Variants in NRXN1 observed in about 807,000 individuals in gnomAD.
NRXN1 encodes neurexin 1, also known as neurexin-1.
In NRXN1, 39 loss-of-function variants were observed where a neutral mutation model predicts 150.9. The ratio of observed to expected loss-of-function variants is 0.26; its 90% CI spans 0.20 to 0.34. NRXN1 has a LOEUF of 0.34. NRXN1 is among the 10% of genes least tolerant of loss of function. The pLI is 1.00. For missense variants in NRXN1, 1,815 were observed against 1,949.9 expected (o/e 0.93, Z 1.30); for synonymous variants, 924 against 757.0 (o/e 1.22, Z -3.62).
At chr2:50,536,805 T>C (rs1002960232) in intron 10 of NRXN1, among the ~76,000 whole-genome samples, 4 of 152,060 alleles carry the variant, frequency 2.6e-5, no homozygotes, top group Middle Eastern at 3.2e-3. Context: ...GGAAGCAAAA[T>C]GCAAAGAGGA....
intron 5 of NRXN1, among the ~76,000 whole-genome samples, chr2:50,695,192 G>C (rs1284961090): frequency 1.3e-5 from 2 of 151,986 alleles, no homozygotes; most frequent in Non-Finnish European, 2.9e-5. Flanking sequence ...GTAAGGGGGT[G>C]GCGGTGGGGG....
At chr2:50,809,937 T>C (rs948470955) in intron 5 of NRXN1, among the ~76,000 whole-genome samples, 7 of 152,166 alleles carry the variant, frequency 4.6e-5, no homozygotes, top group Non-Finnish European at 7.3e-5. Context: ...TACCATTGTG[T>C]TTATTCACTC....
At chr2:49,947,370 C>A (rs1204950744) in intron 21 of NRXN1, among the ~76,000 whole-genome samples, 1 of 151,964 alleles carries the variant, frequency 6.6e-6, no homozygotes, top group Non-Finnish European at 1.5e-5. Context: ...CACCTGGAGG[C>A]ACGTTTGGTA....
At chr2:50,640,777 T>G (rs1362352810) in intron 5 of NRXN1, among the ~76,000 whole-genome samples, 1 of 152,196 alleles carries the variant, frequency 6.6e-6, no homozygotes, top group Non-Finnish European at 1.5e-5. Flanking sequence ...ATTCAGTTGT[T>G]TTCAATTTTT....
At chr2:50,053,687 G>C (rs1455783001) in intron 20 of NRXN1, 97 bp from the exon 21 acceptor site, 3 of 1,252,730 alleles carry the variant, frequency 2.4e-6, no homozygotes, top group Non-Finnish European at 3.4e-6. Context: ...TGAATAATGA[G>C]AGCAATAAAC....
In NRXN1 at chr2:50,554,454, C is replaced by T. The variant is rs1430154885; in HGVS notation, c.1321-1429G>A. On this transcript the variant is annotated intron_variant, in intron 8 of 22. Transcript: ENST00000401669. ...GTTCAAATTCTGGCTCCAGCATTAC[C>T]GAACTGGGAAATCTCTGTAAGCCTG... is the stretch of plus-strand genomic sequence containing the variant. 5.3e-5 allele frequency: 8 copies of T among 152,046 alleles called. No homozygotes were observed. The East Asian group carries it at 7.7e-4, about 15-fold the overall frequency. The allele number at this position is 152,046 out of a possible 1,614,324, so 9.4% of individuals were successfully genotyped here. A position where few individuals can be genotyped will look rare whatever the true frequency, so the allele number is the denominator to read the frequency against.
intron 22 of NRXN1, among the ~76,000 whole-genome samples, chr2:49,937,901 G>A (rs1671329685): frequency 6.6e-6 from 1 of 152,122 alleles, no homozygotes; most frequent in South Asian, 2.1e-4. Flanking sequence ...TGATTGTGAT[G>A]ACTTATTTAA....
chr2:50,246,114 T>A (rs1169997636), intron 17 of NRXN1, among the ~76,000 whole-genome samples: 1 of 152,060 alleles, frequency 6.6e-6, no homozygotes, highest in African/African-American at 2.4e-5. Context: ...CTGACATTTT[T>A]AGAGTCTATC....
chr2:50,402,581 G>C (rs1244786392), intron 17 of NRXN1, among the ~76,000 whole-genome samples: 1 of 152,084 alleles, frequency 6.6e-6, no homozygotes, highest in African/African-American at 2.4e-5. Context: ...AGCTTTCGGA[G>C]AGCAAGTCAA....
chr2:50,677,504 C>T (rs975297087), intron 5 of NRXN1, among the ~76,000 whole-genome samples: 2 of 152,118 alleles, frequency 1.3e-5, no homozygotes, highest in African/African-American at 4.8e-5. Flanking sequence ...AAAAAGCCTA[C>T]CATTTTGACT....
intron 17 of NRXN1, among the ~76,000 whole-genome samples, chr2:50,307,026 C>T (rs1201735789): frequency 6.6e-6 from 1 of 151,848 alleles, no homozygotes; most frequent in African/African-American, 2.4e-5. Context: ...GCTCTGTTGC[C>T]CAGGCTGGAG....
At chr2:50,909,426 G>C (rs1684220050) in intron 5 of NRXN1, among the ~76,000 whole-genome samples, 1 of 151,932 alleles carries the variant, frequency 6.6e-6, no homozygotes, top group Non-Finnish European at 1.5e-5. Flanking sequence ...TTCATTATTT[G>C]TTAATTAAGT....
At chr2:50,765,734 T>C (rs1054270490) in intron 5 of NRXN1, among the ~76,000 whole-genome samples, 2 of 151,968 alleles carry the variant, frequency 1.3e-5, no homozygotes, top group African/African-American at 2.4e-5. Context: ...AAAATCTGAA[T>C]ATCAAAGCAC....
chr2:50,635,153 G>A (rs956077771), intron 5 of NRXN1, among the ~76,000 whole-genome samples: 7 of 149,862 alleles, frequency 4.7e-5, no homozygotes, highest in African/African-American at 1.7e-4. Context: ...TGCTGGTACA[G>A]ATTAAATTCT....
At chr2:50,755,248 G>A (rs961923591) in intron 5 of NRXN1, among the ~76,000 whole-genome samples, 6 of 151,746 alleles carry the variant, frequency 4.0e-5, no homozygotes, top group South Asian at 4.2e-4. Flanking sequence ...CAACCCCACC[G>A]CTTCTAATTG....
intron 2 of NRXN1, among the ~76,000 whole-genome samples, chr2:50,937,414 C>T (rs1541602): frequency 0.66 from 100,051 of 151,898 alleles, 33,227 homozygotes; most frequent in African/African-American, 0.73. Flanking sequence ...CTATCAGTAG[C>T]ATGGGAATGA....
At chr2:50,668,323 A>G in intron 5 of NRXN1, among the ~76,000 whole-genome samples, 1 of 152,014 alleles carries the variant, frequency 6.6e-6, no homozygotes, top group East Asian at 1.9e-4. Context: ...GGAATGGCTC[A>G]AAGAGTGAAA....
intron 9 of NRXN1, among the ~76,000 whole-genome samples, chr2:50,544,435 A>C (rs1445486715): frequency 6.6e-6 from 1 of 152,158 alleles, no homozygotes; most frequent in African/African-American, 2.4e-5. Flanking sequence ...AAATAAAATT[A>C]ACTGTATTTG....
At chr2:50,628,662 G>C (rs1265704988) in intron 5 of NRXN1, among the ~76,000 whole-genome samples, 2 of 151,590 alleles carry the variant, frequency 1.3e-5, no homozygotes, top group Non-Finnish European at 3.0e-5. Context: ...TAAAGAATAA[G>C]TCTACGTCCA....
Sources: allele counts gnomAD v4.1 joint callset (sites outside exome capture counted in the v4.1 genomes callset), GRCh38; gene constraint gnomAD v4.1.1; transcripts MANE v1.5; gene names NCBI Gene and HGNC (gene_info 2026-07-23, HGNC 2026-07-21).